GLYATL2: variants seen among roughly 807,000 people sequenced by gnomAD.
GLYATL2 encodes glycine-N-acyltransferase like 2.
In GLYATL2, 25 loss-of-function variants were observed where a neutral mutation model predicts 21.4. The ratio of observed to expected loss-of-function variants is 1.17; its 90% CI spans 0.85 to 1.63. The LOEUF (loss-of-function observed/expected upper bound fraction) is 1.63, where lower values mean the gene tolerates loss of function less well. Among genes scored for constraint, GLYATL2 ranks in the 40% most tolerant of loss-of-function variants. The probability of loss-of-function intolerance (pLI) is 0.00; values close to 1 mark genes in which losing one functional copy is unlikely to be tolerated. For synonymous variants in GLYATL2, 114 were observed against 118.2 expected, an observed-to-expected ratio of 0.96 and a Z score of 0.23; for missense variants, 361 against 343.3, an observed-to-expected ratio of 1.05 and a Z score of -0.41.
chr11:58,891,776 A>G (rs1367527967), intron 1 of GLYATL2, among the ~76,000 whole-genome samples: 1 of 152,208 alleles, frequency 6.6e-6, no homozygotes, highest in Non-Finnish European at 1.5e-5. Flanking sequence ...GGGGCACAGT[A>G]TATATAACAG....
Position 58,834,755 on chromosome 11 carries a change from T to C in GLYATL2, c.559A>G (p.Arg187Gly). 2 of 1,613,978 alleles carry C rather than the reference T, an allele frequency of 1.2e-6. No homozygotes were observed. The highest frequency in any genetic ancestry group is 1.7e-6 in the Non-Finnish European group (2 of 1,179,910). Residue 187 changes from arginine (R) to glycine (G), a missense_variant, in exon 6 of 6, where the codon AGG (arginine) becomes GGG (glycine). By Grantham distance (125) the Arg-to-Gly change is moderately radical (BLOSUM62 -2). Coordinates refer to ENST00000287275, the MANE Select transcript of GLYATL2 (RefSeq NM_145016.4). ...NEHWAFGKNE[R>G]SLKYIERCLQ... ...CAGCGTTCAATATATTTCAAGCTCC[T>C]CTCATTTTTCCCAAAGGCCCAGTGT...
At chr11:58,855,743 A>G (rs1853817197) in intron 1 of GLYATL2, among the ~76,000 whole-genome samples, 1 of 152,236 alleles carries the variant, frequency 6.6e-6, no homozygotes, top group South Asian at 2.1e-4. Context: ...TGGTGTAGCC[A>G]CCTTCAACAA....
At chr11:58,880,501 G>A (rs1357721056) in intron 1 of GLYATL2, among the ~76,000 whole-genome samples, 2 of 152,188 alleles carry the variant, frequency 1.3e-5, no homozygotes, top group Non-Finnish European at 2.9e-5. Flanking sequence ...GTGTGATACA[G>A]CATGGTAGAT....
chr11:58,834,110 A>G lies in GLYATL2; in HGVS notation c.*319T>C, dbSNP rs547627282. The G allele has an allele frequency of 5.2e-6, 1 of 190,844 alleles. No individual in the cohort carries two copies. The highest frequency in any genetic ancestry group is 2.3e-5 in the African/African-American group (1 of 43,040). 11.8% of individuals were successfully genotyped at this position (190,844 alleles called of 1,614,324 possible). A position where few individuals can be genotyped will look rare whatever the true frequency, so the allele number is the denominator to read the frequency against. On this transcript the variant is annotated 3_prime_UTR_variant, in exon 6 of 6. Transcript: ENST00000287275. ...TTTTAACAAGAAAGTCATAAAAGTGAATTTTTTCATGAAAGAAATAGTCTT... is the reference window on the plus strand; with the variant it reads ...TTTTAACAAGAAAGTCATAAAAGTGGATTTTTTCATGAAAGAAATAGTCTT...
At chr11:58,842,317 G>A (rs1853567598) in intron 1 of GLYATL2, among the ~76,000 whole-genome samples, 1 of 152,202 alleles carries the variant, frequency 6.6e-6, no homozygotes, top group South Asian at 2.1e-4. Flanking sequence ...TATACAGCAG[G>A]TCATCAAATA....
chr11:58,842,873 G>A (rs1853578699), intron 1 of GLYATL2, among the ~76,000 whole-genome samples: 1 of 151,992 alleles, frequency 6.6e-6, no homozygotes, highest in Non-Finnish European at 1.5e-5. Flanking sequence ...CCATCACACA[G>A]ACTCACCAAA....
intron 1 of GLYATL2, among the ~76,000 whole-genome samples, chr11:58,876,124 A>G (rs913749098): frequency 6.6e-6 from 1 of 152,158 alleles, no homozygotes; most frequent in Admixed American, 6.5e-5. Flanking sequence ...TTCTCGTGCC[A>G]TGGATTTCAG....
chr11:58,866,845 A>G (rs1004538153), intron 1 of GLYATL2, among the ~76,000 whole-genome samples: 1 of 149,214 alleles, frequency 6.7e-6, no homozygotes, highest in Non-Finnish European at 1.5e-5. Context: ...GGTGTCTCCA[A>G]AGTCCTCCAA....
intron 1 of GLYATL2, among the ~76,000 whole-genome samples, chr11:58,896,418 C>A (rs1854636152): frequency 6.6e-6 from 1 of 152,226 alleles, no homozygotes; most frequent in South Asian, 2.1e-4. Flanking sequence ...ACTCTTCATT[C>A]TTTTGCCTAT....
At chr11:58,839,736 A>T (rs922596642) in intron 1 of GLYATL2, 84 bp from the exon 2 acceptor site, 2 of 619,986 alleles carry the variant, frequency 3.2e-6, no homozygotes, top group Non-Finnish European at 5.7e-6. Context: ...GTCACCAGGG[A>T]CATCATACAC....
At chr11:58,868,028 G>A (rs1385854346) in intron 1 of GLYATL2, among the ~76,000 whole-genome samples, 2 of 148,718 alleles carry the variant, frequency 1.3e-5, no homozygotes, top group African/African-American at 4.9e-5. Flanking sequence ...GGGAACTGAA[G>A]TGGTCTAAGA....
intron 1 of GLYATL2, among the ~76,000 whole-genome samples, chr11:58,880,618 G>T (rs1338320624): frequency 3.3e-5 from 5 of 152,106 alleles, no homozygotes; most frequent in African/African-American, 1.2e-4. Flanking sequence ...AAACAGCAAA[G>T]AAAGCTCTGT....
chr11:58,840,996 A>T (rs1853540815), intron 1 of GLYATL2, among the ~76,000 whole-genome samples: 1 of 151,944 alleles, frequency 6.6e-6, no homozygotes, highest in Admixed American at 6.6e-5. Flanking sequence ...TATAAATAAG[A>T]TATAAATATG....
At chr11:58,875,332 A>G (rs552573580) in intron 1 of GLYATL2, among the ~76,000 whole-genome samples, 1 of 152,314 alleles carries the variant, frequency 6.6e-6, no homozygotes, top group African/African-American at 2.4e-5. Context: ...TCCTGTCATT[A>G]TGACGTTAGC....
In GLYATL2 at chr11:58,834,521, CA is replaced by C; in HGVS notation, c.792del (p.Asn264LysfsTer8). ...IPFYFHVADN[N>X]EKSLQALNNL... ...TTGTTCAGTGCCTGTAGGCTTTTCTCATTATTATCTGCCACATGGAAATAAA... is the reference window on the plus strand; with the variant it reads ...TTGTTCAGTGCCTGTAGGCTTTTCTCTTATTATCTGCCACATGGAAATAAA... On this transcript the variant is annotated frameshift_variant, in exon 6 of 6. Coordinates refer to ENST00000287275, the MANE Select transcript of GLYATL2 (RefSeq NM_145016.4). LOFTEE classifies it low-confidence loss of function (END_TRUNC). 6.2e-7 allele frequency: 1 copy of C among 1,613,666 alleles called. No homozygotes were observed. Among genetic ancestry groups the C allele is most frequent in the Non-Finnish European group, 8.5e-7 (1 of 1,179,682 alleles).
At chr11:58,900,302 T>C (rs1321360369) in intron 1 of GLYATL2, among the ~76,000 whole-genome samples, 2 of 152,182 alleles carry the variant, frequency 1.3e-5, no homozygotes, top group Non-Finnish European at 2.9e-5. Flanking sequence ...TGACAGAAGA[T>C]AAAATTATTC....
chr11:58,906,060 G>C (rs889049062), upstream of GLYATL2, among the ~76,000 whole-genome samples: 2 of 152,182 alleles, frequency 1.3e-5, no homozygotes, highest in Admixed American at 6.5e-5. Context: ...CCTGCGAATC[G>C]GGAGCAGCGG....
intron 1 of GLYATL2, among the ~76,000 whole-genome samples, chr11:58,853,941 T>C (rs1001951845): frequency 6.6e-6 from 1 of 152,270 alleles, no homozygotes; most frequent in African/African-American, 2.4e-5. Flanking sequence ...TTGTATCCTG[T>C]GACCATCTCC....
intron 1 of GLYATL2, among the ~76,000 whole-genome samples, chr11:58,864,067 A>G (rs925920221): frequency 2.0e-5 from 3 of 152,134 alleles, no homozygotes; most frequent in Admixed American, 2.0e-4. Flanking sequence ...TTGTGAGCCA[A>G]CCTAGTTTTG....
Sources: allele counts gnomAD v4.1 joint callset (sites outside exome capture counted in the v4.1 genomes callset), GRCh38; gene constraint gnomAD v4.1.1; transcripts MANE v1.5; gene names NCBI Gene and HGNC (gene_info 2026-07-23, HGNC 2026-07-21).